Variants in ADAMTS12 observed in about 807,000 individuals in gnomAD.
The protein encoded by ADAMTS12 is A disintegrin and metalloproteinase with thrombospondin motifs 12.
ADAMTS12 carries 118 observed loss-of-function variants against 167.8 expected under a neutral mutation model. The ratio of observed to expected loss-of-function variants is 0.70; its 90% confidence interval spans 0.61 to 0.82. The LOEUF is 0.82. Among genes scored for constraint, ADAMTS12 ranks in the 40% least tolerant of loss-of-function variants. ADAMTS12 has a pLI of 0.00. For synonymous variants in ADAMTS12, 704 were observed against 716.9 expected (o/e 0.98, Z 0.29); for missense variants, 1,916 against 1,998.8 (o/e 0.96, Z 0.79).
intron 3 of ADAMTS12, among the ~76,000 whole-genome samples, chr5:33,689,785 C>A (rs1742485384): frequency 6.6e-6 from 1 of 152,206 alleles, no homozygotes; most frequent in Admixed American, 6.5e-5. Context: ...ACTATCTCTT[C>A]CCCTGTCTAA....
rs1370271789 is a variant in ADAMTS12, at chr5:33,525,423, G to A, written c.*1765C>T. The stretch of plus-strand genomic sequence containing the variant: ...ACAGGAATTCATGAGAGTAATACAC[G>A]TTAATGGCTTGGAAAAAAATAAAAA... On this transcript the variant is annotated 3_prime_UTR_variant, in exon 24 of 24. Coordinates refer to ENST00000504830, the MANE Select transcript of ADAMTS12 (RefSeq NM_030955.4). The A allele has an allele frequency of 2.6e-5, 4 of 152,006 alleles. No homozygotes were observed. Among genetic ancestry groups the A allele is most frequent in the African/African-American group, 4.8e-5 (2 of 41,374 alleles). 9.4% of individuals were successfully genotyped at this position (152,006 alleles called of 1,614,324 possible).
chr5:33,771,751 T>A (rs934446008), intron 2 of ADAMTS12, among the ~76,000 whole-genome samples: 1 of 152,148 alleles, frequency 6.6e-6, no homozygotes, highest in Non-Finnish European at 1.5e-5. Flanking sequence ...ATATTCACTG[T>A]CCTTAAAGTG....
At chr5:33,872,679 C>T (rs1750083717) in intron 2 of ADAMTS12, among the ~76,000 whole-genome samples, 3 of 152,276 alleles carry the variant, frequency 2.0e-5, no homozygotes, top group African/African-American at 7.2e-5. Flanking sequence ...TCCCTGTGTC[C>T]CAGCCACTCC....
At chr5:33,582,416 A>C (rs897791517) in intron 18 of ADAMTS12, among the ~76,000 whole-genome samples, 2 of 152,150 alleles carry the variant, frequency 1.3e-5, no homozygotes, top group Non-Finnish European at 2.9e-5. Flanking sequence ...CGACTCTCAA[A>C]AATGCCCCTA....
At position 33,741,575 on chromosome 5, in the gene ADAMTS12, C is replaced by T. The variant is rs1053310520; in HGVS notation, c.634+9829G>A. Among the ~76,000 whole-genome samples, 4 of 152,156 alleles carry T rather than the reference C, an allele frequency of 2.6e-5. 1 individual carries two copies. The highest frequency in any genetic ancestry group is 9.7e-5 in the African/African-American group (4 of 41,448). On this transcript the variant is annotated intron_variant, in intron 3 of 23. Coordinates refer to ENST00000504830, the MANE Select transcript of ADAMTS12 (RefSeq NM_030955.4). The stretch of plus-strand genomic sequence containing the variant: ...ATTTAGCTCATAATGGACACCACTT[C>T]TCAAGTGCTGAATACCAGTAGAAGC...
At chr5:33,671,188 A>T (rs1398032551) in intron 5 of ADAMTS12, among the ~76,000 whole-genome samples, 1 of 152,216 alleles carries the variant, frequency 6.6e-6, no homozygotes, top group Non-Finnish European at 1.5e-5. Context: ...TATAAAAGGT[A>T]TGAAAGGGTA....
Position 33,891,881 on chromosome 5 carries a change from AG to A in ADAMTS12, c.-26del. On this transcript the variant is annotated 5_prime_UTR_variant, in exon 1 of 24. Coordinates refer to ENST00000504830, the MANE Select transcript of ADAMTS12 (RefSeq NM_030955.4). ...TGATTCAGATGTTGAGGAGAAGAAAAGTCAAAAAAGTTTTAGCCCTCAGCTC... is the reference window on the plus strand; with the variant it reads ...TGATTCAGATGTTGAGGAGAAGAAAATCAAAAAAGTTTTAGCCCTCAGCTC... 6.2e-7 allele frequency: 1 copy of A among 1,605,756 alleles called. No individual in the cohort carries two copies. The highest frequency in any genetic ancestry group is 8.5e-7 in the Non-Finnish European group (1 of 1,176,476).
rs115987039 is a variant in ADAMTS12, at chr5:33,539,257, T to A, written c.4447-4265A>T. 2.9e-3 allele frequency among the ~76,000 whole-genome samples: 447 copies of A among 152,320 alleles called. 6 individuals carry two copies. The highest frequency in any genetic ancestry group is 0.01 in the African/African-American group (427 of 41,574). ...ACACCTGGCCACAATTTTCTTTATT[T>A]TCAGTATTGCTGATAGAGTGTTATT... On this transcript the variant is annotated intron_variant, in intron 22 of 23. Transcript: ENST00000504830.
intron 2 of ADAMTS12, among the ~76,000 whole-genome samples, chr5:33,786,990 C>A (rs1226500128): frequency 6.7e-6 from 1 of 149,954 alleles, no homozygotes; most frequent in Non-Finnish European, 1.5e-5. Context: ...AGGACCAAAT[C>A]ATACTCGTTC....
chr5:33,658,064 A>T lies in ADAMTS12; in HGVS notation c.1190+120T>A, dbSNP rs1741123990. ...GCAGAGGTTGAGGAGGGTGAGTCAC[A>T]AGCCACAGTATAATCTGAGTCTCCT... is the stretch of plus-strand genomic sequence containing the variant. On this transcript the variant is annotated intron_variant, in intron 7 of 23. Transcript: ENST00000504830. 4 of 1,281,722 alleles carry T rather than the reference A, an allele frequency of 3.1e-6. No individual in the cohort carries two copies. The East Asian group carries it at 9.4e-5, about 30-fold the overall frequency. 79.4% of individuals were successfully genotyped at this position (1,281,722 alleles called of 1,614,324 possible). A position where few individuals can be genotyped will look rare whatever the true frequency, so the allele number is the denominator to read the frequency against.
At chr5:33,706,947 T>C (rs1743225247) in intron 3 of ADAMTS12, among the ~76,000 whole-genome samples, 1 of 152,172 alleles carries the variant, frequency 6.6e-6, no homozygotes, top group South Asian at 2.1e-4. Context: ...TTGGAAGTTC[T>C]GGCCAGGGCA....
At chr5:33,710,515 T>C (rs970994279) in intron 3 of ADAMTS12, among the ~76,000 whole-genome samples, 5 of 152,188 alleles carry the variant, frequency 3.3e-5, no homozygotes, top group Non-Finnish European at 5.9e-5. Flanking sequence ...TTATTATGCA[T>C]CTGCTATGAC....
intron 2 of ADAMTS12, among the ~76,000 whole-genome samples, chr5:33,754,686 T>C (rs1472383252): frequency 6.6e-6 from 1 of 152,070 alleles, no homozygotes; most frequent in Non-Finnish European, 1.5e-5. Context: ...TGAAACCCTG[T>C]CTCCACTAAA....
At chr5:33,856,079 A>G (rs1331568528) in intron 2 of ADAMTS12, among the ~76,000 whole-genome samples, 3 of 152,184 alleles carry the variant, frequency 2.0e-5, no homozygotes, top group East Asian at 1.9e-4. Flanking sequence ...TCCAGCACAA[A>G]CAGTTCTTCA....
At chr5:33,808,869 C>T (rs535687249) in intron 2 of ADAMTS12, among the ~76,000 whole-genome samples, 126 of 152,284 alleles carry the variant, frequency 8.3e-4, no homozygotes, top group African/African-American at 1.8e-3. Flanking sequence ...ATCTAGTTTC[C>T]GTGACTACTT....
At chr5:33,613,104 C>T (rs976758527) in intron 16 of ADAMTS12, among the ~76,000 whole-genome samples, 1 of 152,150 alleles carries the variant, frequency 6.6e-6, no homozygotes, top group African/African-American at 2.4e-5. Flanking sequence ...TCTTCTGCTC[C>T]ATTCACTTGC....
chr5:33,666,188 A>G (rs866608321), intron 5 of ADAMTS12, among the ~76,000 whole-genome samples: 4 of 152,242 alleles, frequency 2.6e-5, no homozygotes, highest in Middle Eastern at 3.2e-3. Context: ...TAAGATGCCA[A>G]GAACTGGACA....
At chr5:33,676,707 C>CACACACACACAGAGAGAG (rs879440613) in intron 5 of ADAMTS12, among the ~76,000 whole-genome samples, 3 of 149,020 alleles carry the variant, frequency 2.0e-5, no homozygotes, top group African/African-American at 7.5e-5. Context: ...CACACACACA[C>CACACACACACAGAGAGAG]AGAGAGAGAG....
intron 21 of ADAMTS12, among the ~76,000 whole-genome samples, chr5:33,547,177 T>G (rs1360335517): frequency 6.6e-6 from 1 of 152,174 alleles, no homozygotes; most frequent in Non-Finnish European, 1.5e-5. Context: ...CCTACCTATG[T>G]GCACACAGAT....
Sources: gnomAD v4.1 joint callset for allele counts (sites outside exome capture counted in the v4.1 genomes callset) on GRCh38, gnomAD v4.1.1 for gene constraint, MANE v1.5 for transcripts, NCBI Gene and HGNC (gene_info 2026-07-23, HGNC 2026-07-21) for gene names.